PDE3B: variants seen among roughly 807,000 people sequenced by gnomAD.
The protein encoded by PDE3B is phosphodiesterase 3B.
Under a neutral mutation model 116.8 loss-of-function variants are expected in PDE3B, and 66 were observed. The observed-to-expected ratio is 0.56, with a 90% CI of 0.46 to 0.69. The LOEUF is 0.69. Ranked by LOEUF, PDE3B falls within the 30% of genes least tolerant of loss-of-function variation. PDE3B has a pLI of 0.00. For synonymous variants in PDE3B, 595 were observed against 533.6 expected (o/e 1.12, Z -1.59); for missense variants, 1,384 against 1,368.1 (o/e 1.01, Z -0.18).
At chr11:14,886,132 C>T in the PDE3B span, 2 of 566,288 alleles carry the variant, frequency 3.5e-6, no homozygotes, top group South Asian at 1.9e-5. Flanking sequence ...TGCCTAAAGT[C>T]ACAGTCTTAC....
At chr11:14,741,680 G>A (rs550906216) in intron 1 of PDE3B, among the ~76,000 whole-genome samples, 13 of 152,234 alleles carry the variant, frequency 8.5e-5, no homozygotes, top group Non-Finnish European at 1.5e-4. Flanking sequence ...TTTCTTCATA[G>A]TGTCGATGGT....
intron 1 of PDE3B, among the ~76,000 whole-genome samples, chr11:14,743,989 C>T (rs1446444372): frequency 6.6e-6 from 1 of 152,146 alleles, no homozygotes; most frequent in East Asian, 1.9e-4. Flanking sequence ...AGCTGCAGAC[C>T]AGAGCTGTTG....
intron 1 of PDE3B, among the ~76,000 whole-genome samples, chr11:14,722,669 C>T (rs1237118012): frequency 6.6e-6 from 1 of 152,206 alleles, no homozygotes; most frequent in African/African-American, 2.4e-5. Flanking sequence ...GCAGATTCTG[C>T]AGAGCTAGTT....
chr11:14,885,843 A>G, the PDE3B span: 1 of 1,613,684 alleles, frequency 6.2e-7, no homozygotes, highest in East Asian at 2.2e-5. Context: ...CGCTTTGATG[A>G]ACAAGGCATT....
At chr11:14,714,221 C>A (rs1446759270) in intron 1 of PDE3B, among the ~76,000 whole-genome samples, 15 of 149,496 alleles carry the variant, frequency 1.0e-4, no homozygotes, top group Non-Finnish European at 2.2e-4. Flanking sequence ...AAAAAAAGAC[C>A]GTATAAATGT....
chr11:14,648,181 A>G (rs1279667163), intron 1 of PDE3B, among the ~76,000 whole-genome samples: 1 of 152,064 alleles, frequency 6.6e-6, no homozygotes, highest in Non-Finnish European at 1.5e-5. Context: ...CTTTTCAATG[A>G]GATCACTTTG....
chr11:14,709,309 C>T (rs2133826228), intron 1 of PDE3B, among the ~76,000 whole-genome samples: 1 of 152,174 alleles, frequency 6.6e-6, no homozygotes, highest in African/African-American at 2.4e-5. Context: ...CCTGAGGATA[C>T]TTACCATGTT....
At chr11:14,686,768 C>T (rs1854887434) in intron 1 of PDE3B, among the ~76,000 whole-genome samples, 1 of 152,012 alleles carries the variant, frequency 6.6e-6, no homozygotes, top group East Asian at 1.9e-4. Context: ...AGCTGGAGTG[C>T]AGTGGCATGA....
chr11:14,787,849 T>C (rs1333366242), intron 3 of PDE3B, among the ~76,000 whole-genome samples: 3 of 151,892 alleles, frequency 2.0e-5, no homozygotes, highest in Non-Finnish European at 4.4e-5. Context: ...TGTTACTCTT[T>C]CTTTGCATTT....
At chr11:14,810,831 T>G (rs1040269828) in intron 5 of PDE3B, among the ~76,000 whole-genome samples, 2 of 147,914 alleles carry the variant, frequency 1.4e-5, no homozygotes, top group African/African-American at 5.0e-5. Flanking sequence ...CAGCACCTGT[T>G]GTTTCCTGAC....
At chr11:14,858,479 T>A (rs1847888917) in intron 12 of PDE3B, among the ~76,000 whole-genome samples, 1 of 152,144 alleles carries the variant, frequency 6.6e-6, no homozygotes, top group Admixed American at 6.5e-5. Context: ...AGAGGATTTG[T>A]GTTTTTATCT....
At chr11:14,684,095 A>T (rs1196369817) in intron 1 of PDE3B, among the ~76,000 whole-genome samples, 2 of 152,172 alleles carry the variant, frequency 1.3e-5, no homozygotes, top group Non-Finnish European at 2.9e-5. Context: ...TGTGGTACTT[A>T]TCCTGGATAG....
intron 1 of PDE3B, among the ~76,000 whole-genome samples, chr11:14,679,178 A>G (rs1213465418): frequency 6.6e-6 from 1 of 151,582 alleles, no homozygotes. Context: ...GAATCTTCTT[A>G]TCTTTTTTTT....
chr11:14,847,866 A>T (rs1847646538), intron 12 of PDE3B, among the ~76,000 whole-genome samples: 1 of 152,158 alleles, frequency 6.6e-6, no homozygotes, highest in South Asian at 2.1e-4. Flanking sequence ...AACCAAAAAG[A>T]GTCCAGGACC....
At chr11:14,730,983 A>G (rs1433657466) in intron 1 of PDE3B, among the ~76,000 whole-genome samples, 1 of 152,226 alleles carries the variant, frequency 6.6e-6, no homozygotes, top group Non-Finnish European at 1.5e-5. Context: ...AAAAGTATCC[A>G]GAAAAATTAA....
rs1034000229 is a variant in PDE3B, at chr11:14,806,402, C to T, written c.1522+2352C>T. On this transcript the variant is annotated intron_variant, in intron 5 of 15. Transcript: ENST00000282096. ...GGCAGAGCTTGCTGTGAGCCGAGAT[C>T]GTGCCACTGCACTCCAGCCTGGGTG... Among the ~76,000 whole-genome samples the T allele has an allele frequency of 1.3e-4, 20 of 150,528 alleles. 1 individual carries two copies. The South Asian group carries it at 1.7e-3, about 13-fold the overall frequency.
At chr11:14,657,472 A>C (rs1853747153) in intron 1 of PDE3B, among the ~76,000 whole-genome samples, 1 of 152,248 alleles carries the variant, frequency 6.6e-6, no homozygotes, top group Non-Finnish European at 1.5e-5. Flanking sequence ...GTAATCGTTA[A>C]AAGCAGACAA....
intron 4 of PDE3B, among the ~76,000 whole-genome samples, chr11:14,803,617 G>GA (rs1345582058): frequency 2.4e-4 from 36 of 152,318 alleles, no homozygotes; most frequent in African/African-American, 8.4e-4. Flanking sequence ...GCAGCCTATG[G>GA]ACCTAATCTG....
chr11:14,756,959 C>G (rs1222652974), intron 1 of PDE3B, among the ~76,000 whole-genome samples: 6 of 120,226 alleles, frequency 5.0e-5, no homozygotes, highest in South Asian at 3.5e-4. Flanking sequence ...CCCCTCCCCC[C>G]ACCCCACCAC....
Sources: allele counts gnomAD v4.1 joint callset (sites outside exome capture counted in the v4.1 genomes callset), GRCh38; gene constraint gnomAD v4.1.1; transcripts MANE v1.5; gene names NCBI Gene and HGNC (gene_info 2026-07-23, HGNC 2026-07-21).